Variants in RNF24 observed in about 807,000 individuals in gnomAD.
RNF24 encodes ring finger protein 24.
Under a neutral mutation model 20.0 loss-of-function variants are expected in RNF24, and 14 were observed. That is an observed-to-expected ratio of 0.70 (90% confidence interval 0.46 to 1.10). The LOEUF (loss-of-function observed/expected upper bound fraction) is 1.10. RNF24 is among the 50% of genes least tolerant of loss of function. RNF24 has a pLI of 0.00. For synonymous variants in RNF24, 45 were observed against 61.1 expected (o/e 0.74, Z 1.23); for missense variants, 124 against 177.6 (o/e 0.70, Z 1.71).
At chr20:3,937,134 G>GC (rs1027913283) in intron 4 of RNF24, among the ~76,000 whole-genome samples, 1 of 152,290 alleles carries the variant, frequency 6.6e-6, no homozygotes, top group African/African-American at 2.4e-5. Flanking sequence ...ACTGCGCCCA[G>GC]CCCCAAAATG....
At chr20:3,967,675 G>A (rs2091272032) in intron 1 of RNF24, among the ~76,000 whole-genome samples, 1 of 152,220 alleles carries the variant, frequency 6.6e-6, no homozygotes, top group African/African-American at 2.4e-5. Flanking sequence ...ATCTTCCCAG[G>A]AGTCAATATT....
chr20:4,004,349 G>A (rs1026216403), intron 1 of RNF24, among the ~76,000 whole-genome samples: 5 of 151,862 alleles, frequency 3.3e-5, no homozygotes, highest in African/African-American at 1.2e-4. Context: ...GTCTAATCTC[G>A]GATTCTGTGT....
intron 3 of RNF24, among the ~76,000 whole-genome samples, chr20:3,947,171 C>T (rs142486306): frequency 0.042 from 6,405 of 152,150 alleles, 464 homozygotes; most frequent in African/African-American, 0.15. Flanking sequence ...TCCAGCCTGG[C>T]GACAGAGCGA....
intron 2 of RNF24, among the ~76,000 whole-genome samples, chr20:3,948,626 TA>T (rs1220041274): frequency 2.0e-5 from 3 of 150,370 alleles, no homozygotes; most frequent in Non-Finnish European, 4.5e-5. Context: ...CTCAAAATCT[TA>T]AAAAATGTAC....
intron 4 of RNF24, among the ~76,000 whole-genome samples, chr20:3,944,178 C>G (rs2090989978): frequency 6.7e-6 from 1 of 148,374 alleles, no homozygotes; most frequent in Non-Finnish European, 1.5e-5. Flanking sequence ...CCATTGCACT[C>G]CAGCCTGGAT....
intron 2 of RNF24, among the ~76,000 whole-genome samples, chr20:3,961,795 G>A (rs115785639): frequency 0.011 from 1,585 of 149,156 alleles, 29 homozygotes; most frequent in African/African-American, 0.037. Flanking sequence ...ATCAACATTC[G>A]TAGAGGAATT....
intron 3 of RNF24, among the ~76,000 whole-genome samples, chr20:3,945,623 G>C (rs750211015): frequency 6.6e-6 from 1 of 151,476 alleles, no homozygotes; most frequent in African/African-American, 2.4e-5. Flanking sequence ...GCTGAGGCAG[G>C]AGATTCACTT....
intron 2 of RNF24, among the ~76,000 whole-genome samples, chr20:3,957,104 C>G (rs1046557706): frequency 2.0e-5 from 3 of 151,908 alleles, no homozygotes; most frequent in Non-Finnish European, 2.9e-5. Context: ...ATCAGATCAG[C>G]CTGGCCAACA....
intron 1 of RNF24, among the ~76,000 whole-genome samples, chr20:4,014,884 G>A (rs941203569): frequency 3.9e-5 from 6 of 152,158 alleles, no homozygotes; most frequent in Admixed American, 3.3e-4. Flanking sequence ...TAAGCCGAGG[G>A]AAGAGGTCTC....
At chr20:3,953,175 C>A (rs1272389855) in intron 2 of RNF24, among the ~76,000 whole-genome samples, 1 of 152,210 alleles carries the variant, frequency 6.6e-6, no homozygotes, top group African/African-American at 2.4e-5. Flanking sequence ...CTTTTGGAGA[C>A]GGAGTCTCAC....
intron 4 of RNF24, among the ~76,000 whole-genome samples, chr20:3,943,643 G>A (rs1166150193): frequency 6.6e-6 from 1 of 152,112 alleles, no homozygotes; most frequent in African/African-American, 2.4e-5. Flanking sequence ...TCCAAGACTA[G>A]ATACAAATGA....
At chr20:3,973,083 A>G (rs1266918234) in intron 1 of RNF24, among the ~76,000 whole-genome samples, 1 of 151,866 alleles carries the variant, frequency 6.6e-6, no homozygotes, top group African/African-American at 2.4e-5. Flanking sequence ...GGTGCCTGTA[A>G]TCCCAGCTAC....
intron 2 of RNF24, among the ~76,000 whole-genome samples, chr20:3,948,552 CTTAA>C (rs1339237878): frequency 5.9e-5 from 9 of 151,952 alleles, no homozygotes; most frequent in Admixed American, 1.3e-4. Context: ...TATATTTTTT[CTTAA>C]TTAGAAAAAA....
At chr20:3,937,322 G>A (rs934570883) in intron 4 of RNF24, among the ~76,000 whole-genome samples, 2 of 152,070 alleles carry the variant, frequency 1.3e-5, no homozygotes, top group Non-Finnish European at 2.9e-5. Flanking sequence ...CTCCCTAAGA[G>A]CCAAACTCAT....
Position 3,933,389 on chromosome 20 carries a change from T to C in RNF24, c.*674A>G. The C allele has an allele frequency of 7.6e-6, 3 of 394,348 alleles. No individual in the cohort carries two copies. The highest frequency in any genetic ancestry group is 8.9e-6 in the Non-Finnish European group (2 of 223,928). The allele number at this position is 394,348 out of a possible 1,614,324, so 24.4% of individuals were successfully genotyped here. On this transcript the variant is annotated 3_prime_UTR_variant, in exon 6 of 6. Coordinates refer to ENST00000358395, the MANE Select transcript of RNF24 (RefSeq NM_001134337.3). ...TGCTGGGGCTCTGGACGGGCCTTAC[T>C]GGTGCATAGGAGAGGGAAATGATAA... is the stretch of plus-strand genomic sequence containing the variant.
intron 1 of RNF24, among the ~76,000 whole-genome samples, chr20:3,989,033 ATAT>A (rs1600698699): frequency 6.6e-6 from 1 of 152,186 alleles, no homozygotes; most frequent in Non-Finnish European, 1.5e-5. Flanking sequence ...AAGACGCTAA[ATAT>A]TATAAAGATG....
At position 3,930,418 on chromosome 20, in the gene RNF24, TCAG is replaced by T. The variant is rs2090806188; in HGVS notation, c.*3642_*3644del. ...GTAACCCAGATGATGTTATGTGGTA[TCAG>T]CAGCCCCCATGACACCAGGCCTGCT... On this transcript the variant is annotated 3_prime_UTR_variant, in exon 6 of 6. Transcript: ENST00000358395. 1 of 152,154 alleles carries T rather than the reference TCAG, an allele frequency of 6.6e-6. No homozygotes were observed. Among genetic ancestry groups the T allele is most frequent in the South Asian group, 2.1e-4 (1 of 4,818 alleles). The allele number at this position is 152,154 out of a possible 1,614,324, so 9.4% of individuals were successfully genotyped here. A position where few individuals can be genotyped will look rare whatever the true frequency, so the allele number is the denominator to read the frequency against.
chr20:4,004,806 T>G (rs184327746), intron 1 of RNF24, among the ~76,000 whole-genome samples: 2 of 152,342 alleles, frequency 1.3e-5, no homozygotes, highest in Admixed American at 6.5e-5. Context: ...ACGAAGTTTA[T>G]AGTAATTGTG....
At chr20:3,958,086 G>A (rs2091162588) in intron 2 of RNF24, among the ~76,000 whole-genome samples, 1 of 152,158 alleles carries the variant, frequency 6.6e-6, no homozygotes, top group East Asian at 1.9e-4. Context: ...GGGCTGTGAT[G>A]TATGCAAGCT....
Sources: allele counts gnomAD v4.1 joint callset (sites outside exome capture counted in the v4.1 genomes callset), GRCh38; gene constraint gnomAD v4.1.1; transcripts MANE v1.5; gene names NCBI Gene and HGNC (gene_info 2026-07-23, HGNC 2026-07-21).